LRCH3: variants seen among roughly 807,000 people sequenced by gnomAD.
LRCH3 encodes DISP complex protein LRCH3.
LRCH3 carries 68 observed loss-of-function variants against 104.5 expected under a neutral mutation model. That is an observed-to-expected ratio of 0.65 (90% CI 0.54 to 0.80). LRCH3 has a LOEUF of 0.80. LRCH3 is among the 30% of genes least tolerant of loss of function. LRCH3 has a pLI of 0.00. For missense variants in LRCH3, 951 were observed against 953.9 expected, an observed-to-expected ratio of 1.00 and a Z score of 0.04; for synonymous variants, 344 against 361.3, an observed-to-expected ratio of 0.95 and a Z score of 0.54.
intron 20 of LRCH3, among the ~76,000 whole-genome samples, chr3:197,879,611 C>T (rs939330474): frequency 5.9e-5 from 9 of 151,600 alleles, no homozygotes; most frequent in African/African-American, 1.9e-4. Flanking sequence ...AGCGAGACTC[C>T]GTCTCAAAAA....
chr3:197,835,507 A>T (rs1341634617), intron 8 of LRCH3, among the ~76,000 whole-genome samples, 167 bp from the exon 9 acceptor site: 1 of 152,170 alleles, frequency 6.6e-6, no homozygotes, highest in South Asian at 2.1e-4. Context: ...TAAAAAAAAA[A>T]AAAAAAAAAA....
At chr3:197,879,201 T>TA (rs1713260341) in intron 20 of LRCH3, among the ~76,000 whole-genome samples, 1 of 152,226 alleles carries the variant, frequency 6.6e-6, no homozygotes, top group South Asian at 2.1e-4. Flanking sequence ...TGTTATGTGT[T>TA]AAAGGATGTC....
At chr3:197,837,755 A>C (rs1191528095) in intron 9 of LRCH3, among the ~76,000 whole-genome samples, 1 of 152,050 alleles carries the variant, frequency 6.6e-6, no homozygotes, top group African/African-American at 2.4e-5. Context: ...GTATCATAAA[A>C]CTAGGATGGG....
chr3:197,837,378 G>T lies in LRCH3; in HGVS notation c.1251+1556G>T, dbSNP rs902569808. Among the ~76,000 whole-genome samples the T allele has an allele frequency of 2.6e-5, 4 of 151,960 alleles. No individual in the cohort carries two copies. The East Asian group carries it at 7.7e-4, about 29-fold the overall frequency. On this transcript the variant is annotated intron_variant, in intron 9 of 20. Coordinates refer to ENST00000425562, the MANE Select transcript of LRCH3 (RefSeq NM_001365715.1). ...TTTCTTTAATTCATTGTATTGTTTT[G>T]TAATAATATTTTTAAAATTCTGGCT...
At chr3:197,796,452 T>C (rs997522365) in intron 1 of LRCH3, among the ~76,000 whole-genome samples, 3 of 152,230 alleles carry the variant, frequency 2.0e-5, no homozygotes, top group Admixed American at 2.0e-4. Flanking sequence ...GAGATCATAC[T>C]GGACAATGAA....
intron 12 of LRCH3, among the ~76,000 whole-genome samples, chr3:197,849,618 T>C (rs1739294515): frequency 6.6e-6 from 1 of 152,212 alleles, no homozygotes; most frequent in Non-Finnish European, 1.5e-5. Context: ...CTCTTGAAAC[T>C]AACGGAAATA....
chr3:197,813,819 C>G (rs1214126510), intron 1 of LRCH3, among the ~76,000 whole-genome samples: 7 of 152,128 alleles, frequency 4.6e-5, no homozygotes, highest in African/African-American at 9.7e-5. Context: ...GCGTGAGCCA[C>G]CGCGCCTGGC....
At chr3:197,796,180 A>G (rs528348105) in intron 1 of LRCH3, among the ~76,000 whole-genome samples, 10 of 152,332 alleles carry the variant, frequency 6.6e-5, no homozygotes, top group African/African-American at 2.4e-4. Flanking sequence ...TTTATTGACT[A>G]AAGGACTTCG....
chr3:197,794,057 G>T (rs1489202234), intron 1 of LRCH3, among the ~76,000 whole-genome samples: 1 of 152,200 alleles, frequency 6.6e-6, no homozygotes, highest in Non-Finnish European at 1.5e-5. Flanking sequence ...ACATGTGAGG[G>T]ATCACCTAGA....
chr3:197,791,526 A>T lies in LRCH3; in HGVS notation c.248A>T (p.Asp83Val), dbSNP rs1221794918. ...GGAGCGGCCAACCACGACCTGACGG[A>T]CACCACCCGGGCGGGTGAGCGGGGC... Reference protein sequence around the residue: ...PRGAANHDLTDTTRADLSRNR... With the variant: ...PRGAANHDLTVTTRADLSRNR... The change falls in exon 1 of 21, where the codon GAC becomes GTC. Residue 83 changes from aspartate to valine, a missense_variant. Asp to Val is a radical substitution (Grantham distance 152). Transcript: ENST00000425562. 1 of 1,590,594 alleles carries T rather than the reference A, an allele frequency of 6.3e-7. No individual in the cohort carries two copies. Among genetic ancestry groups the T allele is most frequent in the East Asian group, 2.3e-5 (1 of 42,644 alleles).
At chr3:197,880,070 C>G (rs372288683) in intron 20 of LRCH3, among the ~76,000 whole-genome samples, 36 of 148,594 alleles carry the variant, frequency 2.4e-4, no homozygotes, top group South Asian at 4.3e-4. Context: ...CTCAGCCTCC[C>G]GAGTAGCTGG....
chr3:197,829,478 GTA>G (rs1560550880), intron 5 of LRCH3, 84 bp from the exon 6 acceptor site: 3 of 747,558 alleles, frequency 4.0e-6, no homozygotes, highest in Non-Finnish European at 6.5e-6. Context: ...CTTTCCCAAT[GTA>G]TGTTACATAA....
intron 10 of LRCH3, among the ~76,000 whole-genome samples, chr3:197,842,642 C>G (rs1036691625): frequency 3.9e-5 from 6 of 152,072 alleles, no homozygotes; most frequent in Admixed American, 1.3e-4. Context: ...CTACCGCTAC[C>G]CACATAGAGT....
chr3:197,866,343 C>T (rs910954158), intron 17 of LRCH3, 124 bp downstream of exon 17: 1 of 671,828 alleles, frequency 1.5e-6, no homozygotes, highest in Non-Finnish European at 2.6e-6. Flanking sequence ...TCGGCAAAAG[C>T]ATGTGTCTGT....
rs1737437240 is a variant in LRCH3, at chr3:197,839,322, G to T, written c.1253G>T (p.Gly418Val). The change falls in exon 10 of 21, where the codon GGT becomes GTT. Residue 418 changes from glycine to valine, a missense_variant and splice_region_variant. Transcript: ENST00000425562. ...YIEQRRISHEGSPVKPVAIRE... is the reference protein window; with the variant it reads ...YIEQRRISHEVSPVKPVAIRE... ...ATTTATTTCTGTCCTCTGGCCTAGGGTTCACCAGTAAAGCCAGTAGCCATT... is the reference window on the plus strand; with the variant it reads ...ATTTATTTCTGTCCTCTGGCCTAGGTTTCACCAGTAAAGCCAGTAGCCATT... The T allele has an allele frequency of 6.3e-7, 1 of 1,589,330 alleles. No individual in the cohort carries two copies. Among genetic ancestry groups the T allele is most frequent in the Admixed American group, 1.9e-5 (1 of 53,844 alleles).
Position 197,848,986 on chromosome 3 carries a change from G to A in LRCH3, c.1530+965G>A, listed in dbSNP as rs753786366. On this transcript the variant is annotated intron_variant, in intron 12 of 20. Transcript: ENST00000425562. Reference sequence around the variant, plus strand: ...TATAAAAATGCAGGCAAATCTGGCCGGGTGTGGTGGCTCACGCCTGTAGTC... The same window carrying A: ...TATAAAAATGCAGGCAAATCTGGCCAGGTGTGGTGGCTCACGCCTGTAGTC... 2.6e-5 allele frequency among the ~76,000 whole-genome samples: 4 copies of A among 152,268 alleles called. No homozygotes were observed. The South Asian group carries it at 6.2e-4, about 24-fold the overall frequency.
chr3:197,838,095 C>G (rs114319033), intron 9 of LRCH3, among the ~76,000 whole-genome samples: 3 of 151,636 alleles, frequency 2.0e-5, no homozygotes, highest in African/African-American at 7.3e-5. Flanking sequence ...GCCACTGGTA[C>G]AGCGTCCTAG....
intron 10 of LRCH3, among the ~76,000 whole-genome samples, chr3:197,844,375 C>G (rs927423556): frequency 2.3e-4 from 35 of 151,998 alleles, no homozygotes; most frequent in African/African-American, 6.3e-4. Flanking sequence ...GGGTGGTGTC[C>G]TAGAGGCTAA....
In LRCH3 at chr3:197,883,895, C is replaced by T. The variant is rs551370178; in HGVS notation, c.*229C>T. 11 of 443,020 alleles carry T rather than the reference C, an allele frequency of 2.5e-5. No individual in the cohort carries two copies. Among genetic ancestry groups the T allele is most frequent in the Non-Finnish European group, 3.8e-5 (10 of 259,858 alleles). The allele number at this position is 443,020 out of a possible 1,614,324, so 27.4% of individuals were successfully genotyped here. ...CCATTGGTTTTCTCAGATGAAACTT[C>T]TCTTACTGAAAACCCAGCACCTAAC... On this transcript the variant is annotated 3_prime_UTR_variant, in exon 21 of 21. Transcript: ENST00000425562. The surrounding 1 kb of genome is among the most constrained non-coding windows in gnomAD (Gnocchi z 4.2).
Sources: allele counts gnomAD v4.1 joint callset (sites outside exome capture counted in the v4.1 genomes callset), GRCh38; gene constraint gnomAD v4.1.1; non-coding constraint Gnocchi (gnomAD v3.1); transcripts MANE v1.5; gene names NCBI Gene and HGNC (gene_info 2026-07-23, HGNC 2026-07-21).